GRM5: variants seen among roughly 807,000 people sequenced by gnomAD.
GRM5 encodes the protein metabotropic glutamate receptor 5.
A neutral mutation model predicts 83.1 loss-of-function variants in GRM5; 19 were observed. The observed-to-expected ratio is 0.23, with a 90% CI of 0.16 to 0.34. The LOEUF is 0.34. Ranked by LOEUF, GRM5 falls within the 10% of genes least tolerant of loss-of-function variation. The pLI, the probability that GRM5 is intolerant of heterozygous loss-of-function variation, is 1.00. For synonymous variants in GRM5, 675 were observed against 633.6 expected, an observed-to-expected ratio of 1.07 and a Z score of -0.98; for missense variants, 1,160 against 1,588.3, an observed-to-expected ratio of 0.73 and a Z score of 4.58.
At chr11:88,720,090 A>AAAG (rs1486542755) in intron 3 of GRM5, among the ~76,000 whole-genome samples, 2 of 151,980 alleles carry the variant, frequency 1.3e-5, no homozygotes, top group Non-Finnish European at 2.9e-5. Context: ...CTAAAATATA[A>AAAG]AAGTCCCGTG....
chr11:89,008,382 A>T (rs1940589652), intron 2 of GRM5, among the ~76,000 whole-genome samples: 1 of 152,116 alleles, frequency 6.6e-6, no homozygotes, highest in African/African-American at 2.4e-5. Context: ...CTCTGGTGTT[A>T]TTTCTCTCCA....
intron 4 of GRM5, among the ~76,000 whole-genome samples, chr11:88,642,308 C>A (rs577742164): frequency 4.6e-5 from 7 of 152,236 alleles, no homozygotes; most frequent in African/African-American, 1.4e-4. Context: ...GGTCCTGGAC[C>A]AGGCCCACAA....
chr11:88,827,613 G>C (rs1050863920), intron 3 of GRM5, among the ~76,000 whole-genome samples: 5 of 152,148 alleles, frequency 3.3e-5, no homozygotes, highest in Non-Finnish European at 7.3e-5. Flanking sequence ...GAATCCTGCT[G>C]CTTCTTCCAG....
At chr11:88,865,207 A>AAT (rs1175419385) in intron 2 of GRM5, among the ~76,000 whole-genome samples, 1 of 151,984 alleles carries the variant, frequency 6.6e-6, no homozygotes, top group Admixed American at 6.6e-5. Flanking sequence ...TATCAAAACA[A>AAT]ATATATATAG....
rs557723171 is a variant in GRM5, at chr11:88,507,252, G to T, written c.*1340C>A. On this transcript the variant is annotated 3_prime_UTR_variant, in exon 10 of 10. Coordinates refer to ENST00000305447, the MANE Select transcript of GRM5 (RefSeq NM_001143831.3). Reference sequence around the variant, plus strand: ...TAAAAAAGAAAATAAGAATTGCTTTGCCTCTTTTTGGAATGGCTAAGAAAG... The same window carrying T: ...TAAAAAAGAAAATAAGAATTGCTTTTCCTCTTTTTGGAATGGCTAAGAAAG... The T allele has an allele frequency of 6.6e-6, 1 of 152,212 alleles. No homozygotes were observed. Among genetic ancestry groups the T allele is most frequent in the Admixed American group, 6.5e-5 (1 of 15,292 alleles). 9.4% of individuals were successfully genotyped at this position (152,212 alleles called of 1,614,324 possible). A position where few individuals can be genotyped will look rare whatever the true frequency, so the allele number is the denominator to read the frequency against.
intron 3 of GRM5, among the ~76,000 whole-genome samples, chr11:88,662,611 A>C (rs1939936473): frequency 6.6e-6 from 1 of 152,198 alleles, no homozygotes; most frequent in African/African-American, 2.4e-5. Flanking sequence ...ACCCTCTATA[A>C]ATCTGATCTA....
Position 88,581,856 on chromosome 11 carries a change from T to C in GRM5, c.1690+8745A>G, listed in dbSNP as rs114866348. ...GAGACACACATACATTCCTTAGATA[T>C]GACATGTATCATTCCTTATGGTCTT... is the stretch of plus-strand genomic sequence containing the variant. On this transcript the variant is annotated intron_variant, in intron 7 of 9. Coordinates refer to ENST00000305447, the MANE Select transcript of GRM5 (RefSeq NM_001143831.3). Among the ~76,000 whole-genome samples the C allele has an allele frequency of 8.3e-3, 1,268 of 152,310 alleles. 20 individuals carry two copies. The highest frequency in any genetic ancestry group is 0.029 in the African/African-American group (1,216 of 41,550).
intron 2 of GRM5, among the ~76,000 whole-genome samples, chr11:89,038,159 G>T (rs1941438580): frequency 6.6e-6 from 1 of 151,092 alleles, no homozygotes; most frequent in Non-Finnish European, 1.5e-5. Flanking sequence ...CATTGTGTGT[G>T]TGTGTGTGTG....
Position 89,047,561 on chromosome 11 carries a change from C to T in GRM5, c.312G>A (p.Val104=), listed in dbSNP as rs1412644070. ...EIRDSCWHSA[V]ALEQSIEFIR... The stretch of plus-strand genomic sequence containing the variant: ...TGAACTCAATGCTCTGCTCTAGGGC[C>T]ACAGCCGAATGCCAGCAGGAGTCCC... Residue 104 remains valine, a synonymous_variant, in exon 2 of 10, where the codon GTG becomes GTA. Coordinates refer to ENST00000305447, the MANE Select transcript of GRM5 (RefSeq NM_001143831.3). This position sits in a 1 kb window ranked among gnomAD's most constrained non-coding sequence, Gnocchi z 5.1. 1 of 1,614,142 alleles carries T rather than the reference C, an allele frequency of 6.2e-7. No homozygotes were observed.
chr11:88,673,922 A>G (rs76002577), intron 3 of GRM5, among the ~76,000 whole-genome samples: 1,904 of 151,668 alleles, frequency 0.013, 43 homozygotes, highest in African/African-American at 0.044. Flanking sequence ...ACTCTAGAGT[A>G]TAATTACCAA....
intron 2 of GRM5, among the ~76,000 whole-genome samples, chr11:88,863,561 T>C (rs370725237): frequency 6.6e-6 from 1 of 151,986 alleles, no homozygotes; most frequent in Non-Finnish European, 1.5e-5. Flanking sequence ...AGCTGAATGA[T>C]GAGAACACAT....
chr11:88,631,422 A>C (rs756155359), intron 4 of GRM5, among the ~76,000 whole-genome samples: 5 of 152,170 alleles, frequency 3.3e-5, no homozygotes, highest in Non-Finnish European at 5.9e-5. Flanking sequence ...TTTCCACAAC[A>C]ACCTAAATGC....
intron 2 of GRM5, among the ~76,000 whole-genome samples, chr11:88,980,890 T>C (rs1002726067): frequency 1.3e-5 from 2 of 152,106 alleles, no homozygotes; most frequent in East Asian, 1.9e-4. Flanking sequence ...AATAGTATCA[T>C]ACCAATTGTT....
chr11:88,664,840 G>C (rs540181834), intron 3 of GRM5, among the ~76,000 whole-genome samples: 80 of 152,188 alleles, frequency 5.3e-4, no homozygotes, highest in African/African-American at 1.9e-3. Flanking sequence ...ATAATGATTT[G>C]AGCTATTATA....
rs544133613 is a variant in GRM5, at chr11:88,593,122, C to T, written c.1564-2395G>A. On this transcript the variant is annotated intron_variant, in intron 6 of 9. Transcript: ENST00000305447. ...CTCATGAGCCACTGCACCCACCCAG[C>T]GGTGCTTTCTTTATGAATAACAATA... Among the ~76,000 whole-genome samples the T allele has an allele frequency of 1.6e-4, 24 of 152,216 alleles. No individual in the cohort carries two copies. In the South Asian group the frequency reaches 4.4e-3, roughly 28 times the overall value.
At chr11:88,887,782 T>C (rs117791251) in intron 2 of GRM5, among the ~76,000 whole-genome samples, 2 of 152,188 alleles carry the variant, frequency 1.3e-5, no homozygotes, top group African/African-American at 4.8e-5. Context: ...CAGGGACTCC[T>C]CTTAACCAGA....
chr11:88,695,574 G>T (rs1366055572), intron 3 of GRM5, among the ~76,000 whole-genome samples: 1 of 152,168 alleles, frequency 6.6e-6, no homozygotes, highest in African/African-American at 2.4e-5. Flanking sequence ...ACATTCATAT[G>T]AGTCTAACAA....
chr11:88,654,028 TA>T (rs1939705087), intron 3 of GRM5, among the ~76,000 whole-genome samples: 1 of 152,082 alleles, frequency 6.6e-6, no homozygotes, highest in African/African-American at 2.4e-5. Flanking sequence ...ATGGAATCTC[TA>T]AAATACATTA....
At chr11:88,743,588 C>T (rs1254580385) in intron 3 of GRM5, among the ~76,000 whole-genome samples, 4 of 152,120 alleles carry the variant, frequency 2.6e-5, no homozygotes, top group Non-Finnish European at 5.9e-5. Context: ...CTTCTGTGGA[C>T]TCTCACAGGC....
Sources: allele counts gnomAD v4.1 joint callset (sites outside exome capture counted in the v4.1 genomes callset), GRCh38; gene constraint gnomAD v4.1.1; non-coding constraint Gnocchi (gnomAD v3.1); transcripts MANE v1.5; gene names NCBI Gene and HGNC (gene_info 2026-07-23, HGNC 2026-07-21).